PRDM5: variants seen among roughly 807,000 people sequenced by gnomAD.
PRDM5 encodes the protein PR domain zinc finger protein 5.
Under a neutral mutation model 81.2 loss-of-function variants are expected in PRDM5, and 56 were observed. The observed-to-expected ratio is 0.69, with a 90% CI of 0.56 to 0.86. PRDM5 has a LOEUF of 0.86. Ranked by LOEUF, PRDM5 falls within the 40% of genes least tolerant of loss-of-function variation. The pLI, the probability that PRDM5 is intolerant of heterozygous loss-of-function variation, is 0.00. For missense variants in PRDM5, 697 were observed against 770.1 expected (o/e 0.91, Z 1.12); for synonymous variants, 267 against 256.4 (o/e 1.04, Z -0.39).
Position 120,917,272 on chromosome 4 carries a change from GAT to G in PRDM5, c.93+5242_93+5243del, listed in dbSNP as rs1156613920. ...CTGCACTTAGAATGCTCTTCCCGTA[GAT>G]ATATGTTTGGCTAATTTCCTACCAC... On this transcript the variant is annotated intron_variant, in intron 1 of 15. Coordinates refer to ENST00000264808, the MANE Select transcript of PRDM5 (RefSeq NM_018699.4). 1.6e-4 allele frequency among the ~76,000 whole-genome samples: 25 copies of G among 151,976 alleles called. 1 individual carries two copies. Among genetic ancestry groups the G allele is most frequent in the Admixed American group, 1.6e-3 (24 of 15,246 alleles).
In PRDM5 at chr4:120,853,440, T is replaced by C. The variant is rs138935597; in HGVS notation, c.278A>G (p.Gln93Arg). 2.7e-5 allele frequency: 43 copies of C among 1,613,670 alleles called. No homozygotes were observed. The African/African-American group carries it at 5.1e-4, about 19-fold the overall frequency. ...RFVHEAPSQE[Q>R]KNLAAIQEGE... The stretch of plus-strand genomic sequence containing the variant: ...CACTTGAATGGCAGCCAAGTTCTTC[T>C]GCTCCTGAGATGGTGCCTCATGAAC... Residue 93 changes from glutamine (Q) to arginine (R), a missense_variant, in exon 3 of 16, where the codon CAG becomes CGG. By Grantham distance (43) the Gln-to-Arg change is conservative. Transcript: ENST00000264808.
At chr4:120,845,244 T>G (rs1217463628) in intron 3 of PRDM5, among the ~76,000 whole-genome samples, 1 of 152,220 alleles carries the variant, frequency 6.6e-6, no homozygotes, top group Admixed American at 6.5e-5. Flanking sequence ...ACAACAGATT[T>G]TCAATGTACA....
At chr4:120,754,126 C>T (rs1196509511) in intron 14 of PRDM5, among the ~76,000 whole-genome samples, 1 of 152,208 alleles carries the variant, frequency 6.6e-6, no homozygotes, top group Admixed American at 6.5e-5. Flanking sequence ...GGTAATTTAT[C>T]TGCAATGTCT....
intron 10 of PRDM5, among the ~76,000 whole-genome samples, chr4:120,797,765 G>A (rs1451801000): frequency 1.3e-5 from 2 of 152,136 alleles, no homozygotes; most frequent in Non-Finnish European, 2.9e-5. Context: ...CATCAGTATG[G>A]TGTTGATAGC....
chr4:120,904,724 C>A (rs1481813051), intron 2 of PRDM5, among the ~76,000 whole-genome samples: 1 of 152,106 alleles, frequency 6.6e-6, no homozygotes, highest in Non-Finnish European at 1.5e-5. Context: ...ACAAAAATGA[C>A]TTTGTTTCCT....
chr4:120,888,550 C>A (rs186902630), intron 2 of PRDM5, among the ~76,000 whole-genome samples: 1 of 152,182 alleles, frequency 6.6e-6, no homozygotes, highest in African/African-American at 2.4e-5. Flanking sequence ...TAGCTTGAGA[C>A]AACTCCTGAT....
chr4:120,698,538 T>C (rs1384225368), intron 15 of PRDM5, among the ~76,000 whole-genome samples: 2 of 152,184 alleles, frequency 1.3e-5, no homozygotes, highest in East Asian at 1.9e-4. Flanking sequence ...TGTTACCACA[T>C]ATATGGAGAT....
At chr4:120,879,354 T>G (rs1762616663) in intron 2 of PRDM5, among the ~76,000 whole-genome samples, 1 of 152,162 alleles carries the variant, frequency 6.6e-6, no homozygotes. Flanking sequence ...TTTTGAACTG[T>G]GCAGGTCCAC....
At chr4:120,784,384 A>C (rs912721758) in intron 11 of PRDM5, among the ~76,000 whole-genome samples, 1 of 152,146 alleles carries the variant, frequency 6.6e-6, no homozygotes, top group Non-Finnish European at 1.5e-5. Context: ...TGTATGTATA[A>C]AATTAATCCA....
At chr4:120,801,117 A>G (rs1752060266) in intron 8 of PRDM5, among the ~76,000 whole-genome samples, 1 of 152,194 alleles carries the variant, frequency 6.6e-6, no homozygotes, top group South Asian at 2.1e-4. Flanking sequence ...GGTTGTGGTG[A>G]AGTCATGTTT....
intron 14 of PRDM5, among the ~76,000 whole-genome samples, chr4:120,714,153 C>G (rs542812206): frequency 6.6e-6 from 1 of 152,286 alleles, no homozygotes; most frequent in Non-Finnish European, 1.5e-5. Context: ...TAGCTTTACA[C>G]ATGATTAACA....
At chr4:120,719,130 G>A (rs754205574) in intron 14 of PRDM5, among the ~76,000 whole-genome samples, 3 of 152,180 alleles carry the variant, frequency 2.0e-5, no homozygotes, top group Non-Finnish European at 2.9e-5. Flanking sequence ...ATTCTTTGGT[G>A]TGAGGACTGT....
rs1047396313 is a variant in PRDM5, at chr4:120,836,054, T to C, written c.301-14709A>G. 4.0e-5 allele frequency among the ~76,000 whole-genome samples: 6 copies of C among 151,672 alleles called. 1 individual carries two copies. Among genetic ancestry groups the C allele is most frequent in the South Asian group, 4.2e-4 (2 of 4,800 alleles). On this transcript the variant is annotated intron_variant, in intron 3 of 15. Coordinates refer to ENST00000264808, the MANE Select transcript of PRDM5 (RefSeq NM_018699.4). ...AGGTTAGTGTGGGTGGCAGAGAACG[T>C]TGGAGGTAAGAAAATGAAGACACAG...
Position 120,692,218 on chromosome 4 carries a change from A to C in PRDM5, c.*2893T>G, listed in dbSNP as rs1734098486. The C allele has an allele frequency of 6.6e-6, 1 of 152,064 alleles. No individual in the cohort carries two copies. The highest frequency in any genetic ancestry group is 1.5e-5 in the Non-Finnish European group (1 of 67,974). The allele number at this position is 152,064 out of a possible 1,614,324, so 9.4% of individuals were successfully genotyped here. A position where few individuals can be genotyped will look rare whatever the true frequency, so the allele number is the denominator to read the frequency against. On this transcript the variant is annotated 3_prime_UTR_variant, in exon 16 of 16. Transcript: ENST00000264808. ...AAAGGAAGCAGCACATAAAATCTAA[A>C]ACAGAAACTAAGGCTGTAAGACCTT...
chr4:120,902,587 T>C (rs1331433266), intron 2 of PRDM5, among the ~76,000 whole-genome samples: 1 of 152,228 alleles, frequency 6.6e-6, no homozygotes, highest in African/African-American at 2.4e-5. Flanking sequence ...GGGAAGCATT[T>C]ACAGTCAAAC....
chr4:120,788,776 G>A (rs1750134445), intron 10 of PRDM5, among the ~76,000 whole-genome samples: 1 of 152,194 alleles, frequency 6.6e-6, no homozygotes, highest in Non-Finnish European at 1.5e-5. Context: ...GTAGTAAGAT[G>A]TCTGTGCATA....
intron 1 of PRDM5, among the ~76,000 whole-genome samples, chr4:120,909,582 C>G (rs1262119210): frequency 6.6e-6 from 1 of 151,778 alleles, no homozygotes; most frequent in Non-Finnish European, 1.5e-5. Context: ...ACTGATCTAT[C>G]CAAACCAATC....
At chr4:120,736,109 C>T (rs1436706396) in intron 14 of PRDM5, among the ~76,000 whole-genome samples, 2 of 151,976 alleles carry the variant, frequency 1.3e-5, no homozygotes, top group African/African-American at 4.8e-5. Context: ...CTGTGTCTGG[C>T]TTGTTCCACT....
At chr4:120,753,955 C>G (rs59281550) in intron 14 of PRDM5, among the ~76,000 whole-genome samples, 7,883 of 152,140 alleles carry the variant, frequency 0.052, 305 homozygotes, top group African/African-American at 0.12. Context: ...GCATGTGAAA[C>G]AGATGCTTGA....
Sources: gnomAD v4.1 joint callset for allele counts (sites outside exome capture counted in the v4.1 genomes callset) on GRCh38, gnomAD v4.1.1 for gene constraint, MANE v1.5 for transcripts, NCBI Gene and HGNC (gene_info 2026-07-23, HGNC 2026-07-21) for gene names.